Variants in BACH2 observed in about 807,000 individuals in gnomAD.
BACH2 encodes the protein BACH transcriptional regulator 2.
Under a neutral mutation model 61.8 loss-of-function variants are expected in BACH2, and 5 were observed. The ratio of observed to expected loss-of-function variants is 0.08; its 90% confidence interval spans 0.04 to 0.17. The LOEUF is 0.17. Among genes scored for constraint, BACH2 ranks in the 10% least tolerant of loss-of-function variants. BACH2 has a pLI of 1.00. For missense variants in BACH2, 824 were observed against 1,091.1 expected (o/e 0.76, Z 3.45); for synonymous variants, 446 against 440.1 (o/e 1.01, Z -0.17).
chr6:90,133,363 G>A (rs1784143057), intron 4 of BACH2, among the ~76,000 whole-genome samples: 2 of 152,118 alleles, frequency 1.3e-5, no homozygotes, highest in South Asian at 4.1e-4. Context: ...ACCCAGAATT[G>A]AGTACATCTG....
intron 1 of BACH2, 149 bp downstream of exon 1, chr6:90,296,331 G>C (rs1004494913): frequency 6.6e-6 from 1 of 151,330 alleles, no homozygotes; most frequent in African/African-American, 2.4e-5. Context: ...AGGGCGCGGG[G>C]AGGGCGGCTG....
At chr6:89,982,844 A>G (rs1173742942) in intron 6 of BACH2, among the ~76,000 whole-genome samples, 1 of 152,214 alleles carries the variant, frequency 6.6e-6, no homozygotes, top group Non-Finnish European at 1.5e-5. Flanking sequence ...CCCTCATTCC[A>G]AATTACGCAC....
At chr6:90,063,818 T>A (rs1582295116) in intron 5 of BACH2, among the ~76,000 whole-genome samples, 2 of 152,318 alleles carry the variant, frequency 1.3e-5, no homozygotes, top group East Asian at 3.9e-4. Context: ...CTGAACTGGA[T>A]TTAATATTCT....
intron 6 of BACH2, among the ~76,000 whole-genome samples, chr6:90,007,309 C>T (rs950404412): frequency 1.3e-5 from 2 of 152,002 alleles, no homozygotes; most frequent in African/African-American, 4.8e-5. Context: ...CTCCTGACCT[C>T]ATAATCTGCT....
intron 5 of BACH2, among the ~76,000 whole-genome samples, chr6:90,048,114 G>C (rs975399466): frequency 1.0e-4 from 15 of 150,726 alleles, no homozygotes; most frequent in Non-Finnish European, 1.8e-4. Flanking sequence ...TTCAGGTCTA[G>C]GTCTTTCTAT....
At chr6:90,147,865 T>C (rs1448915667) in intron 4 of BACH2, among the ~76,000 whole-genome samples, 1 of 152,196 alleles carries the variant, frequency 6.6e-6, no homozygotes, top group African/African-American at 2.4e-5. Flanking sequence ...TTTTACAGAA[T>C]ACTCTATCTA....
chr6:90,232,195 T>G (rs143035329), intron 3 of BACH2, among the ~76,000 whole-genome samples: 1 of 152,132 alleles, frequency 6.6e-6, no homozygotes, highest in African/African-American at 2.4e-5. Context: ...TCACAAGGAG[T>G]GACCTTCATC....
At chr6:90,047,444 A>T (rs2127793296) in intron 5 of BACH2, among the ~76,000 whole-genome samples, 1 of 152,270 alleles carries the variant, frequency 6.6e-6, no homozygotes, top group Non-Finnish European at 1.5e-5. Context: ...ATGCTTCTCC[A>T]CAGATGCCCT....
chr6:90,164,002 G>C (rs1336706590), intron 4 of BACH2, among the ~76,000 whole-genome samples: 1 of 152,122 alleles, frequency 6.6e-6, no homozygotes, highest in Non-Finnish European at 1.5e-5. Flanking sequence ...ACAATTAAAA[G>C]AACTAGAGAA....
chr6:90,296,610 A>C lies in BACH2; in HGVS notation c.-576T>G, dbSNP rs1772403553. The stretch of plus-strand genomic sequence containing the variant: ...AAAGCTCGCGGAGGGGACGCGCATC[A>C]CATGGCAGCTCGTTCCCAGCCCCCC... On this transcript the variant is annotated 5_prime_UTR_variant, in exon 1 of 9. It removes the in-frame stop codon of an upstream open reading frame in the 5' UTR. Transcript: ENST00000257749. 6.6e-6 allele frequency: 1 copy of C among 151,496 alleles called. No individual in the cohort carries two copies. Among genetic ancestry groups the C allele is most frequent in the Admixed American group, 6.6e-5 (1 of 15,190 alleles). 9.4% of individuals were successfully genotyped at this position (151,496 alleles called of 1,614,324 possible). A position where few individuals can be genotyped will look rare whatever the true frequency, so the allele number is the denominator to read the frequency against.
chr6:90,092,721 A>G (rs1021227019), intron 4 of BACH2, among the ~76,000 whole-genome samples: 1 of 152,222 alleles, frequency 6.6e-6, no homozygotes, highest in African/African-American at 2.4e-5. Context: ...TGTAACAAAA[A>G]AAGTACTAAG....
At position 90,128,312 on chromosome 6, in the gene BACH2, G is replaced by A. The variant is rs148140215; in HGVS notation, c.-161-39203C>T. On this transcript the variant is annotated intron_variant, in intron 4 of 8. Transcript: ENST00000257749. ...GGTAAGAGTCTATAGGCCAGGCGCC[G>A]TGGCTCATGCCTGTAATCCCAGCAC... Among the ~76,000 whole-genome samples the A allele has an allele frequency of 4.5e-3, 688 of 152,278 alleles. 4 individuals are homozygous for A. Among genetic ancestry groups the A allele is most frequent in the Middle Eastern group, 0.024 (7 of 294 alleles).
rs562784094 is a variant in BACH2 at position 90,238,878 on chromosome 6, T to C, written c.-275+13635A>G. 1.4e-4 allele frequency among the ~76,000 whole-genome samples: 21 copies of C among 152,294 alleles called. 1 individual carries two copies. Among genetic ancestry groups the C allele is most frequent in the South Asian group, 6.2e-4 (3 of 4,824 alleles). ...TGCCTTGTGTGGAGCTCATCTAGTG[T>C]CTCCTTTCATTTATATTTCATAACC... On this transcript the variant is annotated intron_variant, in intron 3 of 8. Coordinates refer to ENST00000257749, the MANE Select transcript of BACH2 (RefSeq NM_021813.4).
intron 3 of BACH2, among the ~76,000 whole-genome samples, chr6:90,248,597 AG>A (rs1385876031): frequency 6.6e-6 from 1 of 152,230 alleles, no homozygotes; most frequent in African/African-American, 2.4e-5. Flanking sequence ...ATGCAAGTGA[AG>A]GATGAACGAG....
intron 4 of BACH2, among the ~76,000 whole-genome samples, chr6:90,092,291 A>AAAAAAAAAAAAAAATATAT: frequency 1.1e-4 from 12 of 113,822 alleles, no homozygotes; most frequent in African/African-American, 3.9e-4. Context: ...AAAAAAAAAA[A>AAAAAAAAAAAAAAATATAT]ATATATATAT....
chr6:89,986,190 C>T (rs1776228389), intron 6 of BACH2, among the ~76,000 whole-genome samples: 1 of 149,548 alleles, frequency 6.7e-6, no homozygotes, highest in African/African-American at 2.5e-5. Context: ...GTAAGGATGG[C>T]TTTTTTCGGT....
At chr6:90,159,275 AC>A (rs572630365) in intron 4 of BACH2, among the ~76,000 whole-genome samples, 112 of 152,376 alleles carry the variant, frequency 7.4e-4, no homozygotes, top group African/African-American at 2.6e-3. Context: ...AGCCAACAGA[AC>A]AATTAACACA....
At chr6:90,190,315 A>C (rs943404584) in intron 4 of BACH2, among the ~76,000 whole-genome samples, 2 of 152,132 alleles carry the variant, frequency 1.3e-5, no homozygotes, top group Non-Finnish European at 2.9e-5. Flanking sequence ...ATTTTAAATG[A>C]CTCTTTAAGC....
chr6:90,286,808 A>T (rs1772031513), intron 1 of BACH2, among the ~76,000 whole-genome samples: 1 of 152,184 alleles, frequency 6.6e-6, no homozygotes, highest in African/African-American at 2.4e-5. Flanking sequence ...GGTTTTAAGT[A>T]CTGTTTTGTT....
Sources: allele counts gnomAD v4.1 joint callset (sites outside exome capture counted in the v4.1 genomes callset), GRCh38; gene constraint gnomAD v4.1.1; transcripts MANE v1.5; gene names NCBI Gene and HGNC (gene_info 2026-07-23, HGNC 2026-07-21).